The following FBN2 variants were observed in gnomAD, a reference collection of about 807,000 sequenced individuals.
FBN2 encodes the protein fibrillin 2.
A neutral mutation model predicts 355.6 loss-of-function variants in FBN2; 105 were observed. That is an observed-to-expected ratio of 0.30 (90% CI 0.25 to 0.35). The LOEUF (loss-of-function observed/expected upper bound fraction) is 0.35. Ranked by LOEUF, FBN2 falls within the 10% of genes least tolerant of loss-of-function variation. The pLI is 1.00. For missense variants in FBN2, 3,280 were observed against 3,758.7 expected, an observed-to-expected ratio of 0.87 and a Z score of 3.33; for synonymous variants, 1,350 against 1,301.2, an observed-to-expected ratio of 1.04 and a Z score of -0.81.
At chr5:128,438,716 G>A (rs572834687) in intron 7 of FBN2, among the ~76,000 whole-genome samples, 1 of 152,170 alleles carries the variant, frequency 6.6e-6, no homozygotes, top group East Asian at 1.9e-4. Flanking sequence ...AGTTCTGGAC[G>A]GAAATTCACT....
intron 34 of FBN2, among the ~76,000 whole-genome samples, chr5:128,326,640 G>C (rs998681703): frequency 6.6e-6 from 1 of 152,196 alleles, no homozygotes; most frequent in Non-Finnish European, 1.5e-5. Context: ...AGGAGAAACT[G>C]TCCAGATGAC....
intron 8 of FBN2, among the ~76,000 whole-genome samples, chr5:128,398,118 A>G (rs915822985): frequency 6.6e-6 from 1 of 152,138 alleles, no homozygotes; most frequent in African/African-American, 2.4e-5. Flanking sequence ...AAGAACTTCA[A>G]AGGAAGAATA....
intron 36 of FBN2, among the ~76,000 whole-genome samples, chr5:128,314,407 C>CCT (rs148469465): frequency 0.081 from 12,272 of 152,082 alleles, 690 homozygotes; most frequent in Admixed American, 0.17. Context: ...CCCACTGCAA[C>CCT]CTCTGCCTCA....
intron 5 of FBN2, among the ~76,000 whole-genome samples, chr5:128,483,394 T>C (rs955728793): frequency 6.6e-6 from 1 of 152,172 alleles, no homozygotes; most frequent in African/African-American, 2.4e-5. Context: ...TTAGGGTTGA[T>C]ATGAATAAAA....
In FBN2 at chr5:128,306,046, A is replaced by C. The variant is rs1370632696; in HGVS notation, c.5423-98T>G. Reference sequence around the variant, plus strand: ...CTACATGTACCCTGGGATGAGTACAAATATTCAGTGTCACAAAAATCTATT... The same window carrying C: ...CTACATGTACCCTGGGATGAGTACACATATTCAGTGTCACAAAAATCTATT... On this transcript the variant is annotated intron_variant, in intron 42 of 64. Coordinates refer to ENST00000262464, the MANE Select transcript of FBN2 (RefSeq NM_001999.4). The C allele has an allele frequency of 5.7e-6, 7 of 1,224,530 alleles. No homozygotes were observed. In the Admixed American group the frequency reaches 1.2e-4, roughly 21 times the overall value. 75.9% of individuals were successfully genotyped at this position (1,224,530 alleles called of 1,614,324 possible). A position where few individuals can be genotyped will look rare whatever the true frequency, so the allele number is the denominator to read the frequency against.
intron 39 of FBN2, 115 bp downstream of exon 39, chr5:128,311,185 G>T: frequency 4.7e-6 from 5 of 1,056,804 alleles, no homozygotes; most frequent in South Asian, 1.4e-5. Flanking sequence ...AAAAAGCTAT[G>T]AACCAATCTT....
rs143596513 is a variant in FBN2, at chr5:128,286,602, C to T, written c.7012+116G>A. Reference sequence around the variant, plus strand: ...TGGAAGAAAGCTAGCTGTATCACTGCCTTAACACAGCTGGAAAAAGAGTTG... The same window carrying T: ...TGGAAGAAAGCTAGCTGTATCACTGTCTTAACACAGCTGGAAAAAGAGTTG... On this transcript the variant is annotated intron_variant, in intron 55 of 64. Coordinates refer to ENST00000262464, the MANE Select transcript of FBN2 (RefSeq NM_001999.4). The T allele has an allele frequency of 1.8e-3, 2,283 of 1,245,310 alleles. 33 individuals are homozygous for T. The African/African-American group carries it at 0.028, about 15-fold the overall frequency. 77.1% of individuals were successfully genotyped at this position (1,245,310 alleles called of 1,614,324 possible).
At chr5:128,295,770 TGTC>T (rs1260769406) in intron 48 of FBN2, among the ~76,000 whole-genome samples, 1 of 135,416 alleles carries the variant, frequency 7.4e-6, no homozygotes, top group Non-Finnish European at 1.5e-5. Flanking sequence ...TATACAATCA[TGTC>T]GTCTGCAAAC....
rs779659640 is a variant in FBN2, at chr5:128,259,513, T to C, written c.8681A>G (p.Tyr2894Cys). ...AGCCTCCCCAAGCTCCCCTAGGAGG[T>C]AGTCATCCTCATTGCTCTCTTCCAG... is the stretch of plus-strand genomic sequence containing the variant. ...KKLEESNEDD[Y>C]LLGELGEALR... The change falls in exon 65 of 65, where the codon TAC (tyrosine) becomes TGC (cysteine). Residue 2894 changes from tyrosine (Y) to cysteine (C), a missense_variant. By Grantham distance (194) the Tyr-to-Cys change is radical. This residue lies in a region of FBN2 where 311 missense variants were observed against 319.1 expected (regional missense o/e 0.97). Coordinates refer to ENST00000262464, the MANE Select transcript of FBN2 (RefSeq NM_001999.4). The C allele has an allele frequency of 9.3e-6, 15 of 1,613,782 alleles. No homozygotes were observed. Among genetic ancestry groups the C allele is most frequent in the Middle Eastern group, 1.7e-4 (1 of 5,940 alleles).
At chr5:128,349,274 G>C in intron 23 of FBN2, 73 bp downstream of exon 23, 1 of 1,568,138 alleles carries the variant, frequency 6.4e-7, no homozygotes, top group South Asian at 1.1e-5. Context: ...TGTGGTTTTG[G>C]ACTAGCCACT....
chr5:128,505,633 T>C (rs1441495487), intron 5 of FBN2, among the ~76,000 whole-genome samples: 4 of 152,186 alleles, frequency 2.6e-5, no homozygotes, highest in African/African-American at 9.7e-5. Flanking sequence ...TGCCTATCCA[T>C]ACCTTTGCAT....
intron 19 of FBN2, 30 bp from the exon 20 acceptor site, chr5:128,357,425 G>C: frequency 1.2e-6 from 2 of 1,613,244 alleles, no homozygotes; most frequent in East Asian, 4.5e-5. Flanking sequence ...GATTCTGTTA[G>C]AACTGCCATG....
At chr5:128,306,972 G>C (rs1004882138) in intron 42 of FBN2, among the ~76,000 whole-genome samples, 163 bp downstream of exon 42, 1 of 152,088 alleles carries the variant, frequency 6.6e-6, no homozygotes, top group African/African-American at 2.4e-5. Context: ...ATTAATACTT[G>C]GTTAGAGTCT....
intron 64 of FBN2, among the ~76,000 whole-genome samples, chr5:128,260,660 C>G (rs1214371271): frequency 6.6e-6 from 1 of 152,176 alleles, no homozygotes; most frequent in Non-Finnish European, 1.5e-5. Context: ...TCTCAACTGT[C>G]AAACATCAGT....
At chr5:128,483,959 A>G (rs1384473614) in intron 5 of FBN2, among the ~76,000 whole-genome samples, 1 of 152,160 alleles carries the variant, frequency 6.6e-6, no homozygotes, top group Non-Finnish European at 1.5e-5. Context: ...AACATTTTCC[A>G]CCACATATGT....
rs1764944297 is a variant in FBN2, at chr5:128,260,758, C to T, written c.8365-929G>A. On this transcript the variant is annotated intron_variant, in intron 64 of 64. Coordinates refer to ENST00000262464, the MANE Select transcript of FBN2 (RefSeq NM_001999.4). ...TCATGAACTTTTTGGCTAGACAAGT[C>T]AGGTCATATAGACAAAGATTCTGAG... is the stretch of plus-strand genomic sequence containing the variant. Among the ~76,000 whole-genome samples, 3 of 152,136 alleles carry T rather than the reference C, an allele frequency of 2.0e-5. No individual in the cohort carries two copies. In the South Asian group the frequency reaches 6.2e-4, roughly 32 times the overall value.
In FBN2 at chr5:128,446,440, A is replaced by C. The variant is rs377191691; in HGVS notation, c.952+41T>G. 5.0e-6 allele frequency: 8 copies of C among 1,608,180 alleles called. No homozygotes were observed. The African/African-American group carries it at 1.1e-4, about 22-fold the overall frequency. The stretch of plus-strand genomic sequence containing the variant: ...ATGAAGTCCTGTTTTTCTTGCATTA[A>C]AGTCACAATTAGGCATGCTTCCCAA... On this transcript the variant is annotated intron_variant, in intron 7 of 64. Transcript: ENST00000262464.
At chr5:128,444,343 A>G (rs1754009468) in intron 7 of FBN2, among the ~76,000 whole-genome samples, 1 of 152,130 alleles carries the variant, frequency 6.6e-6, no homozygotes, top group South Asian at 2.1e-4. Flanking sequence ...AAGTGCTGGG[A>G]TTACAGGCGT....
intron 35 of FBN2, among the ~76,000 whole-genome samples, 155 bp downstream of exon 35, chr5:128,318,724 A>T (rs949065757): frequency 3.3e-5 from 5 of 152,292 alleles, no homozygotes; most frequent in Admixed American, 6.5e-5. Flanking sequence ...TTCCATAGTT[A>T]CAAATAAATG....
Sources: gnomAD v4.1 joint callset for allele counts (sites outside exome capture counted in the v4.1 genomes callset) on GRCh38, gnomAD v4.1.1 for gene constraint, gnomAD v4.1.1 regional missense constraint, MANE v1.5 for transcripts, NCBI Gene and HGNC (gene_info 2026-07-23, HGNC 2026-07-21) for gene names.